Variants in CARM1 observed in about 807,000 individuals in gnomAD.
CARM1 encodes the protein coactivator associated arginine methyltransferase 1, also known as histone-arginine methyltransferase CARM1.
A neutral mutation model predicts 72.7 loss-of-function variants in CARM1; 14 were observed. The observed-to-expected ratio is 0.19, with a 90% CI of 0.13 to 0.30. The LOEUF (loss-of-function observed/expected upper bound fraction) is 0.30, where lower values mean the gene tolerates loss of function less well. Among genes scored for constraint, CARM1 ranks in the 10% least tolerant of loss-of-function variants. CARM1 has a pLI of 1.00. For synonymous variants in CARM1, 333 were observed against 345.5 expected (o/e 0.96, Z 0.40); for missense variants, 432 against 833.7 (o/e 0.52, Z 5.93).
Position 10,922,710 on chromosome 19 carries a change from C to A in CARM1, c.*953C>A. The A allele has an allele frequency of 6.6e-6, 1 of 152,488 alleles. No individual in the cohort carries two copies. Among genetic ancestry groups the A allele is most frequent in the Non-Finnish European group, 1.5e-5 (1 of 68,224 alleles). The allele number at this position is 152,488 out of a possible 1,614,324, so 9.4% of individuals were successfully genotyped here. On this transcript the variant is annotated 3_prime_UTR_variant, in exon 16 of 16. Coordinates refer to ENST00000327064, the MANE Select transcript of CARM1 (RefSeq NM_199141.2). ...GCCCGGGAAGGGACCTTGCAGGGAC[C>A]TCTCCCTCCAAAAAAAGAAAAAAAG...
chr19:10,882,301 T>C (rs1308592640), intron 1 of CARM1, among the ~76,000 whole-genome samples: 1 of 152,160 alleles, frequency 6.6e-6, no homozygotes, highest in Admixed American at 6.6e-5. Context: ...AAGGGACGCC[T>C]GTGATGGAGG....
Position 10,913,112 on chromosome 19 carries a change from CTCTT to C in CARM1, c.670-763_670-760del, listed in dbSNP as rs376775290. On this transcript the variant is annotated intron_variant, in intron 5 of 15. Coordinates refer to ENST00000327064, the MANE Select transcript of CARM1 (RefSeq NM_199141.2). ...GGCAGGGCCGGGGTCACAGTGAACT[CTCTT>C]TTTTTTTGGGGGGGGTCTCACTCTG... Among the ~76,000 whole-genome samples the C allele has an allele frequency of 6.6e-4, 100 of 151,532 alleles. 1 individual carries two copies. The East Asian group carries it at 0.018, about 27-fold the overall frequency.
At chr19:10,905,203 CCA>C in intron 2 of CARM1, 127 bp downstream of exon 2, 1 of 1,091,804 alleles carries the variant, frequency 9.2e-7, no homozygotes, top group Non-Finnish European at 1.3e-6. Flanking sequence ...GCCCTCAAAA[CCA>C]CATTCCCACA....
At chr19:10,881,343 C>T (rs1434197799) in intron 1 of CARM1, among the ~76,000 whole-genome samples, 6 of 152,218 alleles carry the variant, frequency 3.9e-5, no homozygotes, top group Non-Finnish European at 8.8e-5. Flanking sequence ...GTCAGCTTCT[C>T]AGAAGGATCT....
intron 4 of CARM1, among the ~76,000 whole-genome samples, chr19:10,909,716 A>C (rs2074132921): frequency 6.6e-6 from 1 of 151,898 alleles, no homozygotes; most frequent in Non-Finnish European, 1.5e-5. Context: ...CAGCCTGGGC[A>C]ACAGAGTGAG....
chr19:10,909,081 C>T, intron 3 of CARM1, 22 bp from the exon 4 acceptor site: 2 of 1,583,210 alleles, frequency 1.3e-6, no homozygotes, highest in Non-Finnish European at 1.7e-6. Flanking sequence ...TGCCCCGTGC[C>T]ATCGGTATGT....
At chr19:10,887,076 G>T (rs891892722) in intron 1 of CARM1, among the ~76,000 whole-genome samples, 2 of 152,198 alleles carry the variant, frequency 1.3e-5, no homozygotes, top group Non-Finnish European at 2.9e-5. Flanking sequence ...GGAAACTGAG[G>T]CACTAAAACT....
chr19:10,909,240 C>A, intron 4 of CARM1, 33 bp downstream of exon 4: 3 of 1,358,272 alleles, frequency 2.2e-6, no homozygotes, highest in Non-Finnish European at 3.1e-6. Flanking sequence ...CACCTCTCTG[C>A]TTCTGTCTCG....
intron 1 of CARM1, among the ~76,000 whole-genome samples, chr19:10,881,612 G>C (rs2073902614): frequency 6.6e-6 from 1 of 152,002 alleles, no homozygotes; most frequent in South Asian, 2.1e-4. Context: ...CCCCTGGAGG[G>C]CTGGGGTGGG....
intron 8 of CARM1, 178 bp from the exon 9 acceptor site, chr19:10,919,417 C>G (rs972410092): frequency 6.8e-6 from 4 of 587,440 alleles, no homozygotes; most frequent in East Asian, 2.8e-5. Context: ...GAGCTGTCAC[C>G]TGATTGCCCT....
intron 1 of CARM1, among the ~76,000 whole-genome samples, chr19:10,889,429 C>G (rs950571672): frequency 6.6e-6 from 1 of 151,964 alleles, no homozygotes; most frequent in Non-Finnish European, 1.5e-5. Flanking sequence ...ATTCTTCTGC[C>G]TCAGCCTCCC....
chr19:10,894,320 C>T (rs572151782), intron 1 of CARM1, among the ~76,000 whole-genome samples: 1 of 152,274 alleles, frequency 6.6e-6, no homozygotes, highest in African/African-American at 2.4e-5. Context: ...GTGGTCCGGG[C>T]AGAGCAGGCT....
In CARM1 at chr19:10,904,033, C is replaced by T. The variant is rs192032766; in HGVS notation, c.221-918C>T. Among the ~76,000 whole-genome samples, 250 of 152,252 alleles carry T rather than the reference C, an allele frequency of 1.6e-3. 6 individuals are homozygous for T. The South Asian group carries it at 0.049, about 30-fold the overall frequency. On this transcript the variant is annotated intron_variant, in intron 1 of 15. Transcript: ENST00000327064. The stretch of plus-strand genomic sequence containing the variant: ...CTGTATAACTTTTAAAAACATTTTT[C>T]GTTTGGCTCCAGCCCAGGGTCCCAC...
In CARM1 at chr19:10,920,400, G is replaced by C. The variant is rs773887509; in HGVS notation, c.1197-36G>C. ...AGGTGGTGGCTCCAGTGGTGGCGCC[G>C]GCCCAGTCAAGTATGTGCCTGTCCC... On this transcript the variant is annotated intron_variant, in intron 10 of 15. Transcript: ENST00000327064. The surrounding 1 kb of genome is among the most constrained non-coding windows in gnomAD (Gnocchi z 5.3). The C allele has an allele frequency of 1.3e-6, 2 of 1,591,486 alleles. No individual in the cohort carries two copies. Among genetic ancestry groups the C allele is most frequent in the Non-Finnish European group, 1.7e-6 (2 of 1,163,794 alleles).
chr19:10,893,949 G>T (rs1302387012), intron 1 of CARM1, among the ~76,000 whole-genome samples: 2 of 152,162 alleles, frequency 1.3e-5, no homozygotes, highest in Non-Finnish European at 2.9e-5. Context: ...CATCCTTTCA[G>T]CCATCTCCCT....
chr19:10,908,199 A>G (rs1482283650), intron 3 of CARM1, 54 bp downstream of exon 3: 3 of 1,193,968 alleles, frequency 2.5e-6, no homozygotes, highest in Non-Finnish European at 3.8e-6. Context: ...CCCCCCTGCC[A>G]CTCACCCGCA....
chr19:10,891,304 A>C (rs892537746), intron 1 of CARM1, among the ~76,000 whole-genome samples: 36 of 151,918 alleles, frequency 2.4e-4, no homozygotes, highest in African/African-American at 8.7e-4. Flanking sequence ...ACTAAAGCTG[A>C]GGTGTCGGGA....
At chr19:10,905,772 T>G (rs1252069022) in intron 2 of CARM1, among the ~76,000 whole-genome samples, 1 of 151,714 alleles carries the variant, frequency 6.6e-6, no homozygotes, top group Non-Finnish European at 1.5e-5. Flanking sequence ...TTGGGCAGCC[T>G]GAGCCCTCGG....
chr19:10,877,789 G>A (rs773423957), intron 1 of CARM1, among the ~76,000 whole-genome samples: 2 of 151,842 alleles, frequency 1.3e-5, no homozygotes, highest in African/African-American at 4.8e-5. Context: ...ATGCAGTGGC[G>A]CAATCTCGGC....
Sources: gnomAD v4.1 joint callset for allele counts (sites outside exome capture counted in the v4.1 genomes callset) on GRCh38, gnomAD v4.1.1 for gene constraint, Gnocchi (gnomAD v3.1) non-coding constraint, MANE v1.5 for transcripts, NCBI Gene and HGNC (gene_info 2026-07-23, HGNC 2026-07-21) for gene names.